The following HDAC9 variants were observed in gnomAD, a reference collection of about 807,000 sequenced individuals.
HDAC9 encodes the protein MEF-2 interacting transcription repressor (MITR) protein.
HDAC9 carries 41 observed loss-of-function variants against 139.4 expected under a neutral mutation model. The observed-to-expected ratio is 0.29, with a 90% CI of 0.23 to 0.38. HDAC9 has a LOEUF of 0.38. Among genes scored for constraint, HDAC9 ranks in the 10% least tolerant of loss-of-function variants. The pLI is 1.00. For synonymous variants in HDAC9, 517 were observed against 476.2 expected (o/e 1.09, Z -1.12); for missense variants, 1,147 against 1,297.0 (o/e 0.88, Z 1.78).
rs531344613 is a variant in HDAC9, at chr7:18,355,515, C to T, written c.-42+65000C>T. ...TAATTAATGAAGGCAGATATTTAAA[C>T]CATGAATCCTTTATAAAACCTTGGG... On this transcript the variant is annotated intron_variant, in intron 1 of 3. Transcript: ENST00000413509. Among the ~76,000 whole-genome samples, 4 of 152,196 alleles carry T rather than the reference C, an allele frequency of 2.6e-5. No individual in the cohort carries two copies. The East Asian group carries it at 7.7e-4, about 29-fold the overall frequency.
intron 21 of HDAC9, among the ~76,000 whole-genome samples, chr7:18,854,915 T>C (rs542634532): frequency 2.0e-5 from 3 of 152,282 alleles, no homozygotes; most frequent in African/African-American, 7.2e-5. Context: ...GTAGGCAACA[T>C]GGTGAGTGCC....
At chr7:18,230,930 G>T (rs1199254651) in intron 2 of HDAC9, among the ~76,000 whole-genome samples, 1 of 152,114 alleles carries the variant, frequency 6.6e-6, no homozygotes, top group Non-Finnish European at 1.5e-5. Context: ...ACATAAGCAA[G>T]AATATATAAC....
At chr7:18,735,824 C>T (rs1373606713) in intron 13 of HDAC9, among the ~76,000 whole-genome samples, 1 of 152,138 alleles carries the variant, frequency 6.6e-6, no homozygotes, top group African/African-American at 2.4e-5. Flanking sequence ...TTACTTTGGG[C>T]AGTATGGCCA....
intron 2 of HDAC9, among the ~76,000 whole-genome samples, chr7:18,183,053 G>C (rs556626964): frequency 6.8e-6 from 1 of 147,556 alleles, no homozygotes; most frequent in Non-Finnish European, 1.5e-5. Context: ...TCTGTTGCCC[G>C]TGCTGGAGTG....
chr7:18,854,796 C>G (rs1425592113), intron 21 of HDAC9, among the ~76,000 whole-genome samples: 1 of 152,030 alleles, frequency 6.6e-6, no homozygotes, highest in East Asian at 1.9e-4. Context: ...TAGTAAATGC[C>G]ATTATTTTCA....
intron 16 of HDAC9, among the ~76,000 whole-genome samples, chr7:18,789,587 T>G (rs1035857431): frequency 6.6e-6 from 1 of 152,152 alleles, no homozygotes; most frequent in Non-Finnish European, 1.5e-5. Flanking sequence ...ATTTTTCCAT[T>G]TCCAGAGCCA....
chr7:18,727,520 A>G, intron 12 of HDAC9, 60 bp from the exon 13 acceptor site: 1 of 1,383,422 alleles, frequency 7.2e-7, no homozygotes, highest in Non-Finnish European at 9.8e-7. Context: ...CATGTCGCTC[A>G]GTGTCTCCCT....
chr7:18,732,861 G>A lies in HDAC9; in HGVS notation c.1909+5104G>A, dbSNP rs1310318884. ...TGTACACACACGTGTGTATGTGTGCGTATGTGTACACACACACGTGTGCGT... is the reference window on the plus strand; with the variant it reads ...TGTACACACACGTGTGTATGTGTGCATATGTGTACACACACACGTGTGCGT... On this transcript the variant is annotated intron_variant, in intron 13 of 25. Transcript: ENST00000686413. Among the ~76,000 whole-genome samples the A allele has an allele frequency of 6.8e-5, 7 of 102,982 alleles. 1 individual carries two copies. The highest frequency in any genetic ancestry group is 6.9e-4 in the South Asian group (2 of 2,888). 67.6% of individuals were successfully genotyped at this position (102,982 alleles called of 152,430 possible).
At chr7:18,831,010 A>T (rs950904582) in intron 19 of HDAC9, among the ~76,000 whole-genome samples, 2 of 152,230 alleles carry the variant, frequency 1.3e-5, no homozygotes, top group Non-Finnish European at 1.5e-5. Flanking sequence ...TGCCAGGGAG[A>T]TAAGCCAGAA....
chr7:18,152,613 A>G (rs548945592), intron 1 of HDAC9, among the ~76,000 whole-genome samples: 103 of 152,118 alleles, frequency 6.8e-4, no homozygotes, highest in Non-Finnish European at 8.7e-4. Flanking sequence ...GGGTTCTTGG[A>G]CTGTACTCTG....
intron 2 of HDAC9, among the ~76,000 whole-genome samples, chr7:18,254,441 G>C (rs1309930809): frequency 6.6e-6 from 1 of 152,192 alleles, no homozygotes; most frequent in Admixed American, 6.5e-5. Flanking sequence ...GGGTGTTTGT[G>C]AAATATTAAT....
At chr7:18,523,100 G>A (rs1233764800) in intron 2 of HDAC9, among the ~76,000 whole-genome samples, 1 of 152,146 alleles carries the variant, frequency 6.6e-6, no homozygotes, top group Non-Finnish European at 1.5e-5. Flanking sequence ...GAAGATGGTT[G>A]GAGGACATGA....
intron 2 of HDAC9, among the ~76,000 whole-genome samples, chr7:18,572,707 C>T (rs1461356893): frequency 6.6e-6 from 1 of 152,040 alleles, no homozygotes; most frequent in Non-Finnish European, 1.5e-5. Flanking sequence ...TCTCAAATTA[C>T]AAAATAATAT....
intron 25 of HDAC9, among the ~76,000 whole-genome samples, chr7:18,987,017 G>A (rs1411273183): frequency 1.3e-5 from 2 of 152,080 alleles, no homozygotes; most frequent in Non-Finnish European, 2.9e-5. Flanking sequence ...CTGCAAACAG[G>A]GACAATTTGA....
intron 1 of HDAC9, among the ~76,000 whole-genome samples, chr7:18,386,986 C>T (rs1473360634): frequency 6.6e-6 from 1 of 152,134 alleles, no homozygotes; most frequent in Non-Finnish European, 1.5e-5. Context: ...GTTTTTATGT[C>T]TTTGTAACCC....
At chr7:18,753,339 G>A (rs1341187343) in intron 14 of HDAC9, among the ~76,000 whole-genome samples, 2 of 152,032 alleles carry the variant, frequency 1.3e-5, no homozygotes, top group East Asian at 1.9e-4. Context: ...GCATCAGTGG[G>A]GCCCTGTGAC....
chr7:18,110,592 C>T (rs1783549308), intron 1 of HDAC9, among the ~76,000 whole-genome samples: 1 of 152,114 alleles, frequency 6.6e-6, no homozygotes, highest in South Asian at 2.1e-4. Context: ...GGAGTCCTGA[C>T]TATAAAGGGC....
Position 18,997,376 on chromosome 7 carries a change from T to C in HDAC9, c.*1314T>C, listed in dbSNP as rs908552446. On this transcript the variant is annotated 3_prime_UTR_variant, in exon 26 of 26. Transcript: ENST00000686413. ...TGTCAAAAGTTAAAAATAAAGGACA[T>C]TTATTTCTGAGATAAAAAGTAACTT... The C allele has an allele frequency of 2.0e-5, 3 of 151,858 alleles. No homozygotes were observed. Among genetic ancestry groups the C allele is most frequent in the Non-Finnish European group, 4.4e-5 (3 of 67,968 alleles). The allele number at this position is 151,858 out of a possible 1,614,324, so 9.4% of individuals were successfully genotyped here.
intron 12 of HDAC9, among the ~76,000 whole-genome samples, chr7:18,686,086 A>G (rs1782247205): frequency 6.6e-6 from 1 of 152,000 alleles, no homozygotes; most frequent in South Asian, 2.1e-4. Context: ...CTCAGATTCC[A>G]TCCCTGATCC....
Sources: gnomAD v4.1 joint callset for allele counts (sites outside exome capture counted in the v4.1 genomes callset) on GRCh38, gnomAD v4.1.1 for gene constraint, MANE v1.5 for transcripts, NCBI Gene and HGNC (gene_info 2026-07-23, HGNC 2026-07-21) for gene names.